RAPH1: variants seen among roughly 807,000 people sequenced by gnomAD.
The protein encoded by RAPH1 is Ras association (RalGDS/AF-6) and pleckstrin homology domains 1.
RAPH1 carries 18 observed loss-of-function variants against 88.1 expected under a neutral mutation model. That is an observed-to-expected ratio of 0.20 (90% confidence interval 0.14 to 0.30). The LOEUF (loss-of-function observed/expected upper bound fraction) is 0.30, where lower values mean the gene tolerates loss of function less well. Ranked by LOEUF, RAPH1 falls within the 10% of genes least tolerant of loss-of-function variation. The pLI is 1.00. For synonymous variants in RAPH1, 587 were observed against 559.0 expected, an observed-to-expected ratio of 1.05 and a Z score of -0.71; for missense variants, 1,448 against 1,543.2, an observed-to-expected ratio of 0.94 and a Z score of 1.03.
chr2:203,531,482 C>T (rs1163663008), intron 1 of RAPH1, among the ~76,000 whole-genome samples: 2 of 152,048 alleles, frequency 1.3e-5, no homozygotes, highest in Admixed American at 1.3e-4. Flanking sequence ...GTTTGCAAAT[C>T]ATATATTTGA....
At position 203,505,195 on chromosome 2, in the gene RAPH1, C is replaced by T. The variant is rs115242850; in HGVS notation, c.1-9842G>A. Among the ~76,000 whole-genome samples the T allele has an allele frequency of 6.0e-3, 916 of 152,248 alleles. 13 individuals carry two copies. Among genetic ancestry groups the T allele is most frequent in the African/African-American group, 0.02 (832 of 41,526 alleles). On this transcript the variant is annotated intron_variant, in intron 1 of 13. Transcript: ENST00000319170. ...CCAATTTACTGCATTAGTCCATTTT[C>T]AGGCTGCTGATGAAGACAAACCTGA...
chr2:203,441,933 G>A, intron 13 of RAPH1: 1 of 1,379,032 alleles, frequency 7.3e-7, no homozygotes, highest in South Asian at 2.0e-5. Flanking sequence ...ACACAGGAGA[G>A]TATGAGAATG....
At chr2:203,466,019 ACAAATC>A (rs1179652269) in intron 4 of RAPH1, among the ~76,000 whole-genome samples, 1 of 152,232 alleles carries the variant, frequency 6.6e-6, no homozygotes, top group African/African-American at 2.4e-5. Context: ...GGCTATTTTA[ACAAATC>A]CAAATCCCAG....
intron 1 of RAPH1, among the ~76,000 whole-genome samples, chr2:203,524,612 G>C (rs1690034493): frequency 6.6e-6 from 1 of 152,198 alleles, no homozygotes; most frequent in South Asian, 2.1e-4. Context: ...CCAGACTTGG[G>C]TGGGTTAGGA....
rs1023920112 is a variant in RAPH1 at position 203,436,793 on chromosome 2, C to G, written c.*2644G>C. 6.6e-6 allele frequency: 1 copy of G among 152,054 alleles called. No homozygotes were observed. The highest frequency in any genetic ancestry group is 2.4e-5 in the African/African-American group (1 of 41,412). The allele number at this position is 152,054 out of a possible 1,614,324, so 9.4% of individuals were successfully genotyped here. A position where few individuals can be genotyped will look rare whatever the true frequency, so the allele number is the denominator to read the frequency against. ...GCAGTAGATGCTTTCCATGAATACA[C>G]CAGAGAAAAAGAGCTACAGAAATAC... On this transcript the variant is annotated 3_prime_UTR_variant, in exon 14 of 14. Transcript: ENST00000319170.
intron 1 of RAPH1, among the ~76,000 whole-genome samples, chr2:203,526,026 T>A (rs2105987133): frequency 6.6e-6 from 1 of 152,218 alleles, no homozygotes; most frequent in South Asian, 2.1e-4. Context: ...ATGAAAAAAC[T>A]GTAAGTCTAT....
intron 4 of RAPH1, among the ~76,000 whole-genome samples, chr2:203,484,584 T>G (rs2443802): frequency 2.0e-5 from 3 of 152,024 alleles, no homozygotes; most frequent in Non-Finnish European, 4.4e-5. Context: ...TATGGCTGAG[T>G]GGTAACCAAT....
intron 2 of RAPH1, among the ~76,000 whole-genome samples, chr2:203,494,547 G>T (rs531545638): frequency 6.6e-6 from 1 of 152,174 alleles, no homozygotes; most frequent in Admixed American, 6.5e-5. Context: ...GGTGGCTCAC[G>T]CCTGTAATCC....
chr2:203,458,929 A>AT (rs2098522068), intron 7 of RAPH1, among the ~76,000 whole-genome samples: 1 of 151,914 alleles, frequency 6.6e-6, no homozygotes, highest in Non-Finnish European at 1.5e-5. Context: ...CGCCCGGCTA[A>AT]TTTTTTGTAT....
intron 4 of RAPH1, among the ~76,000 whole-genome samples, chr2:203,481,266 C>G (rs1687707612): frequency 2.0e-5 from 3 of 152,028 alleles, no homozygotes; most frequent in Admixed American, 6.6e-5. Context: ...GTGGTATGAG[C>G]TCTACAACCA....
chr2:203,491,999 A>T (rs1485983766), intron 2 of RAPH1, among the ~76,000 whole-genome samples: 4 of 152,094 alleles, frequency 2.6e-5, no homozygotes, highest in Admixed American at 1.3e-4. Flanking sequence ...TTTGGCAGGC[A>T]GAGGCAGGCG....
chr2:203,495,186 C>T, intron 2 of RAPH1, 48 bp downstream of exon 2: 3 of 1,609,164 alleles, frequency 1.9e-6, no homozygotes, highest in Non-Finnish European at 2.5e-6. Context: ...AAACTTTTAA[C>T]ACAATGGTGA....
intron 4 of RAPH1, among the ~76,000 whole-genome samples, chr2:203,485,677 T>C (rs1434389086): frequency 6.6e-6 from 1 of 152,124 alleles, no homozygotes; most frequent in Non-Finnish European, 1.5e-5. Flanking sequence ...CTGTTAACCC[T>C]CTCTACCTAG....
rs2098497865 is a variant in RAPH1, at chr2:203,435,560, T to G, written c.*3877A>C. 2.6e-5 allele frequency: 4 copies of G among 151,098 alleles called. No homozygotes were observed. The highest frequency in any genetic ancestry group is 9.7e-5 in the African/African-American group (4 of 41,042). 9.4% of individuals were successfully genotyped at this position (151,098 alleles called of 1,614,324 possible). A position where few individuals can be genotyped will look rare whatever the true frequency, so the allele number is the denominator to read the frequency against. The stretch of plus-strand genomic sequence containing the variant: ...TGAAAGTTACCTGCAATCTAAAGGG[T>G]TTTCTTCCCCTAGAAACAGTCACCC... On this transcript the variant is annotated 3_prime_UTR_variant, in exon 14 of 14. Coordinates refer to ENST00000319170, the MANE Select transcript of RAPH1 (RefSeq NM_213589.3).
chr2:203,490,069 T>G lies in RAPH1; in HGVS notation c.247A>C (p.Thr83Pro). The G allele has an allele frequency of 6.2e-7, 1 of 1,610,976 alleles. No homozygotes were observed. Among genetic ancestry groups the G allele is most frequent in the Non-Finnish European group, 8.5e-7 (1 of 1,177,974 alleles). The change falls in exon 4 of 14, where the codon ACT becomes CCT. Residue 83 changes from threonine (T) to proline (P), a missense_variant. Physicochemically the swap from Thr to Pro is conservative, Grantham distance 38. Around this residue, in one of 2 missense-constraint regions of RAPH1, gnomAD observed 513 missense variants for 653.1 expected, o/e 0.79. Coordinates refer to ENST00000319170, the MANE Select transcript of RAPH1 (RefSeq NM_213589.3). ...GCCATCAAGGCATCCAGATCCACAG[T>G]CTCTCCCTGATTCAGAGCTTCTGCA... ...NLNEALNQGETVDLDALMADL... is the reference protein window; with the variant it reads ...NLNEALNQGEPVDLDALMADL...
intron 6 of RAPH1, among the ~76,000 whole-genome samples, chr2:203,460,842 C>T (rs1015604020): frequency 6.6e-6 from 1 of 152,062 alleles, no homozygotes; most frequent in Non-Finnish European, 1.5e-5. Context: ...TGAGGCCAGG[C>T]GTGGTGGTTC....
Position 203,489,992 on chromosome 2 carries a change from A to G in RAPH1, c.324T>C (p.Ser108=). The G allele has an allele frequency of 6.2e-7, 1 of 1,614,232 alleles. No homozygotes were observed. Among genetic ancestry groups the G allele is most frequent in the South Asian group, 1.1e-5 (1 of 91,086 alleles). ...CTTTCGTTTCTGTGATTTGACGCTT[A>G]CTGTTTCCTGAACCAATGCTGCTGA... is the stretch of plus-strand genomic sequence containing the variant. The part of the protein sequence containing the change: ...QELSSIGSGN[S]KRQITETKAT... Residue 108 remains serine, a synonymous_variant, in exon 4 of 14, where the codon AGT becomes AGC. Transcript: ENST00000319170.
chr2:203,441,611 CAG>C (rs2098504253), intron 13 of RAPH1, 198 bp from the exon 14 acceptor site: 1 of 1,341,574 alleles, frequency 7.5e-7, no homozygotes, highest in African/African-American at 1.5e-5. Context: ...AAGAAGGAAA[CAG>C]AAAACTTGTT....
At chr2:203,470,351 A>G (rs2153646023) in intron 4 of RAPH1, 2 of 1,408,118 alleles carry the variant, frequency 1.4e-6, no homozygotes, top group Non-Finnish European at 2.0e-6. Flanking sequence ...AAAAAAGGCA[A>G]TAACAGAAGT....
Sources: gnomAD v4.1 joint callset for allele counts (sites outside exome capture counted in the v4.1 genomes callset) on GRCh38, gnomAD v4.1.1 for gene constraint, gnomAD v4.1.1 regional missense constraint, MANE v1.5 for transcripts, NCBI Gene and HGNC (gene_info 2026-07-23, HGNC 2026-07-21) for gene names.